Variants in PARD3B observed in about 807,000 individuals in gnomAD.
PARD3B encodes par-3 family cell polarity regulator beta, also known as partitioning defective 3 homolog B.
Under a neutral mutation model 130.2 loss-of-function variants are expected in PARD3B, and 103 were observed. The ratio of observed to expected loss-of-function variants is 0.79; its 90% CI spans 0.67 to 0.93. The LOEUF (loss-of-function observed/expected upper bound fraction) is 0.93, where lower values mean the gene tolerates loss of function less well. Among genes scored for constraint, PARD3B ranks in the 40% least tolerant of loss-of-function variants. The pLI is 0.00. For missense variants in PARD3B, 1,609 were observed against 1,499.2 expected (o/e 1.07, Z -1.21); for synonymous variants, 583 against 553.2 (o/e 1.05, Z -0.76).
intron 1 of PARD3B, among the ~76,000 whole-genome samples, chr2:204,648,174 C>T (rs2035337625): frequency 1.3e-5 from 2 of 151,486 alleles, no homozygotes; most frequent in African/African-American, 4.8e-5. Context: ...CATTCATGAC[C>T]ATATAAATAG....
chr2:205,302,849 C>G (rs533003997), intron 18 of PARD3B, among the ~76,000 whole-genome samples: 111 of 152,276 alleles, frequency 7.3e-4, no homozygotes, highest in Non-Finnish European at 1.3e-3. Context: ...TTCCCTGAGC[C>G]TTACTTTCCT....
At chr2:204,594,809 T>A (rs750426730) in intron 1 of PARD3B, among the ~76,000 whole-genome samples, 15 of 152,162 alleles carry the variant, frequency 9.9e-5, no homozygotes, top group Non-Finnish European at 1.9e-4. Flanking sequence ...ACAAAGAAAT[T>A]AAAAAGTACT....
At chr2:204,774,704 A>G (rs1057401746) in intron 2 of PARD3B, among the ~76,000 whole-genome samples, 1 of 152,132 alleles carries the variant, frequency 6.6e-6, no homozygotes, top group African/African-American at 2.4e-5. Flanking sequence ...ATAACTCAGA[A>G]CATAGTAAGA....
At chr2:204,947,945 T>A (rs898243123) in intron 2 of PARD3B, among the ~76,000 whole-genome samples, 3 of 152,214 alleles carry the variant, frequency 2.0e-5, no homozygotes, top group African/African-American at 7.2e-5. Context: ...ATGTGCTTCA[T>A]GATGTAATGT....
intron 2 of PARD3B, among the ~76,000 whole-genome samples, chr2:204,858,498 CT>C (rs1177938292): frequency 1.7e-5 from 2 of 118,808 alleles, no homozygotes; most frequent in Non-Finnish European, 3.4e-5. Flanking sequence ...TATGTGGAAT[CT>C]AAAAAAAAAA....
intron 2 of PARD3B, among the ~76,000 whole-genome samples, chr2:204,718,332 G>A (rs1574801316): frequency 6.6e-6 from 1 of 152,064 alleles, no homozygotes; most frequent in African/African-American, 2.4e-5. Context: ...AAGAAAGGAG[G>A]TTTAATTCAC....
chr2:204,958,841 A>T (rs1235022981), intron 2 of PARD3B, among the ~76,000 whole-genome samples: 1 of 152,180 alleles, frequency 6.6e-6, no homozygotes, highest in Non-Finnish European at 1.5e-5. Flanking sequence ...GTTTTAGGAT[A>T]AAAACAGATC....
At position 205,533,741 on chromosome 2, in the gene PARD3B, GTTTT is replaced by G. The variant is rs576876046; in HGVS notation, c.3181-19580_3181-19577del. 2.7e-3 allele frequency among the ~76,000 whole-genome samples: 417 copies of G among 152,106 alleles called. 6 individuals are homozygous for G. Among genetic ancestry groups the G allele is most frequent in the African/African-American group, 9.6e-3 (398 of 41,508 alleles). On this transcript the variant is annotated intron_variant, in intron 21 of 22. Transcript: ENST00000406610. Reference sequence around the variant, plus strand: ...TTGGGGGTTTTTTGTTTGTTTGTTTGTTTTTTGAGACAGGGTCTTGCTTTGTCAC... The same window carrying G: ...TTGGGGGTTTTTTGTTTGTTTGTTTGTTGAGACAGGGTCTTGCTTTGTCAC...
At chr2:205,334,024 A>G (rs1449741217) in intron 18 of PARD3B, among the ~76,000 whole-genome samples, 1 of 152,050 alleles carries the variant, frequency 6.6e-6, no homozygotes, top group Non-Finnish European at 1.5e-5. Context: ...GAAAATGTAG[A>G]CCTCTTTTTC....
rs901479920 is a variant in PARD3B at position 204,582,575 on chromosome 2, G to T, written c.120+36456G>T. On this transcript the variant is annotated intron_variant, in intron 1 of 22. Coordinates refer to ENST00000406610, the MANE Select transcript of PARD3B (RefSeq NM_001302769.2). ...AGGTTTCTCTTCCACAGCACGGGTG[G>T]GTTTTGTAGATTAATGTATGCTACT... 3.3e-5 allele frequency among the ~76,000 whole-genome samples: 5 copies of T among 152,088 alleles called. No homozygotes were observed. The East Asian group carries it at 9.6e-4, about 29-fold the overall frequency.
intron 2 of PARD3B, among the ~76,000 whole-genome samples, chr2:204,850,116 C>T (rs911871693): frequency 6.6e-5 from 10 of 152,108 alleles, no homozygotes; most frequent in African/African-American, 2.4e-4. Flanking sequence ...CATAGTTTGC[C>T]TTGGCAAAAT....
chr2:205,277,050 A>G (rs1032540610), intron 16 of PARD3B, among the ~76,000 whole-genome samples: 5 of 152,226 alleles, frequency 3.3e-5, no homozygotes, highest in African/African-American at 9.7e-5. Context: ...CAATTAAACA[A>G]GAGTCCATGC....
intron 18 of PARD3B, among the ~76,000 whole-genome samples, chr2:205,334,256 A>T (rs2043233447): frequency 6.6e-6 from 1 of 152,156 alleles, no homozygotes; most frequent in African/African-American, 2.4e-5. Context: ...GCTCATATTT[A>T]TGTTTTTAAC....
At chr2:204,739,740 C>T (rs1008563710) in intron 2 of PARD3B, among the ~76,000 whole-genome samples, 2 of 152,066 alleles carry the variant, frequency 1.3e-5, no homozygotes, top group African/African-American at 4.8e-5. Flanking sequence ...TGTGAGCCAA[C>T]CATGCCTGGC....
chr2:205,497,243 A>C (rs957805541), intron 20 of PARD3B, among the ~76,000 whole-genome samples: 2 of 151,214 alleles, frequency 1.3e-5, no homozygotes, highest in Non-Finnish European at 1.5e-5. Flanking sequence ...GTGATTCCCA[A>C]GGGTTTGTCT....
At chr2:204,809,003 T>C (rs896518235) in intron 2 of PARD3B, among the ~76,000 whole-genome samples, 23 of 152,162 alleles carry the variant, frequency 1.5e-4, no homozygotes, top group African/African-American at 5.5e-4. Flanking sequence ...CCATTGTGGT[T>C]TTGATTTGCA....
chr2:204,585,680 T>A (rs2032786525), intron 1 of PARD3B, among the ~76,000 whole-genome samples: 1 of 151,954 alleles, frequency 6.6e-6, no homozygotes, highest in Admixed American at 6.6e-5. Context: ...TTTTCATAAG[T>A]GGTGTGATTG....
chr2:204,836,057 G>T (rs566030377), intron 2 of PARD3B, among the ~76,000 whole-genome samples: 1 of 152,306 alleles, frequency 6.6e-6, no homozygotes, highest in Non-Finnish European at 1.5e-5. Context: ...TGCATGTTTC[G>T]ATGTAGTCTG....
intron 18 of PARD3B, among the ~76,000 whole-genome samples, chr2:205,380,394 T>G (rs1476839316): frequency 2.9e-5 from 1 of 34,946 alleles, no homozygotes; most frequent in Non-Finnish European, 4.5e-5. Context: ...ATATAAAGAA[T>G]ATATATTATA....
Sources: gnomAD v4.1 joint callset for allele counts (sites outside exome capture counted in the v4.1 genomes callset) on GRCh38, gnomAD v4.1.1 for gene constraint, MANE v1.5 for transcripts, NCBI Gene and HGNC (gene_info 2026-07-23, HGNC 2026-07-21) for gene names.